TENT5C: variants seen among roughly 807,000 people sequenced by gnomAD.
The protein encoded by TENT5C is terminal nucleotidyltransferase 5C, also known as family with sequence similarity 46 member C.
TENT5C carries 5 observed loss-of-function variants against 22.2 expected under a neutral mutation model. The observed-to-expected ratio is 0.22, with a 90% CI of 0.12 to 0.47. The LOEUF (loss-of-function observed/expected upper bound fraction) is 0.47. TENT5C is among the 20% of genes least tolerant of loss of function. The probability of loss-of-function intolerance (pLI) is 0.99; values close to 1 mark genes in which losing one functional copy is unlikely to be tolerated. For missense variants in TENT5C, 364 were observed against 500.9 expected, an observed-to-expected ratio of 0.73 and a Z score of 2.61; for synonymous variants, 199 against 195.4, an observed-to-expected ratio of 1.02 and a Z score of -0.15.
At position 117,625,286 on chromosome 1, in the gene TENT5C, T is replaced by C. The variant is rs997633179; in HGVS notation, c.*1242T>C. ...GCATGAAGTCTGGCCTTGTGTGCAT[T>C]GGAGCTTCCAAGGCACTTTGAAATC... On this transcript the variant is annotated 3_prime_UTR_variant, in exon 2 of 2. Coordinates refer to ENST00000369448, the MANE Select transcript of TENT5C (RefSeq NM_017709.4). The C allele has an allele frequency of 4.0e-6, 1 of 248,140 alleles. No individual in the cohort carries two copies. The highest frequency in any genetic ancestry group is 8.5e-6 in the Non-Finnish European group (1 of 118,134). The allele number at this position is 248,140 out of a possible 1,614,324, so 15.4% of individuals were successfully genotyped here. A position where few individuals can be genotyped will look rare whatever the true frequency, so the allele number is the denominator to read the frequency against.
chr1:117,613,317 A>G (rs531246222), intron 1 of TENT5C, among the ~76,000 whole-genome samples: 1 of 152,336 alleles, frequency 6.6e-6, no homozygotes, highest in African/African-American at 2.4e-5. Context: ...ATTTGCAACC[A>G]CGTCAGAGTA....
intron 1 of TENT5C, among the ~76,000 whole-genome samples, chr1:117,621,391 A>G (rs1570862983): frequency 6.6e-6 from 1 of 151,988 alleles, no homozygotes; most frequent in South Asian, 2.1e-4. Context: ...TTTATATTAC[A>G]TTTTATTTCC....
At position 117,623,031 on chromosome 1, in the gene TENT5C, G is replaced by A. The variant is rs763834209; in HGVS notation, c.163G>A (p.Val55Ile). 45 of 1,614,110 alleles carry A rather than the reference G, an allele frequency of 2.8e-5. 1 individual carries two copies. The South Asian group carries it at 3.6e-4, about 13-fold the overall frequency. Residue 55 changes from valine to isoleucine, a missense_variant, in exon 2 of 2, where the codon GTC becomes ATC. Val to Ile is a conservative substitution (Grantham distance 29). Transcript: ENST00000369448. ...AACTCTGAAGGACATCGTCCAGACCGTCCGCAGTCGGCTGGAGGAGGCAGG... is the reference window on the plus strand; with the variant it reads ...AACTCTGAAGGACATCGTCCAGACCATCCGCAGTCGGCTGGAGGAGGCAGG... Reference protein sequence around the residue: ...EITLKDIVQTVRSRLEEAGIK... With the variant: ...EITLKDIVQTIRSRLEEAGIK...
At chr1:117,616,963 A>C (rs953965782) in intron 1 of TENT5C, among the ~76,000 whole-genome samples, 2 of 152,238 alleles carry the variant, frequency 1.3e-5, no homozygotes, top group Non-Finnish European at 2.9e-5. Context: ...CTCCACACAT[A>C]CTAAGAACCT....
At chr1:117,608,095 C>A (rs79143059) in intron 1 of TENT5C, among the ~76,000 whole-genome samples, 1 of 124,924 alleles carries the variant, frequency 8.0e-6, no homozygotes, top group Non-Finnish European at 1.7e-5. Context: ...AAAAAAAAAA[C>A]TCTGCCAGGA....
Position 117,627,908 on chromosome 1 carries a change from T to TA in TENT5C, c.*3871dup, listed in dbSNP as rs1008656467. On this transcript the variant is annotated 3_prime_UTR_variant, in exon 2 of 2. Coordinates refer to ENST00000369448, the MANE Select transcript of TENT5C (RefSeq NM_017709.4). ...CCTAAATCTTGTTTACCTATCACTTTAAAAAAATAATTGAAGTGTAAGCTA... is the reference window on the plus strand; with the variant it reads ...CCTAAATCTTGTTTACCTATCACTTTAAAAAAAATAATTGAAGTGTAAGCTA... 4.0e-5 allele frequency: 10 copies of TA among 247,842 alleles called. No individual in the cohort carries two copies. The highest frequency in any genetic ancestry group is 7.6e-5 in the Non-Finnish European group (9 of 118,100). The allele number at this position is 247,842 out of a possible 1,614,324, so 15.4% of individuals were successfully genotyped here. A position where few individuals can be genotyped will look rare whatever the true frequency, so the allele number is the denominator to read the frequency against.
At chr1:117,606,993 G>C (rs980971821) in intron 1 of TENT5C, among the ~76,000 whole-genome samples, 1 of 152,170 alleles carries the variant, frequency 6.6e-6, no homozygotes, top group Non-Finnish European at 1.5e-5. Context: ...GACGGATACC[G>C]GTGCGGCTGC....
chr1:117,607,501 G>A (rs1653567031), intron 1 of TENT5C, among the ~76,000 whole-genome samples: 1 of 152,218 alleles, frequency 6.6e-6, no homozygotes, highest in African/African-American at 2.4e-5. Flanking sequence ...TACTTTGTAG[G>A]TGGGTTAGGA....
intron 1 of TENT5C, among the ~76,000 whole-genome samples, chr1:117,610,825 C>T (rs1180362318): frequency 6.6e-6 from 1 of 152,196 alleles, no homozygotes; most frequent in Admixed American, 6.5e-5. Flanking sequence ...CCATGCCCGG[C>T]CAATACTTTC....
Position 117,624,925 on chromosome 1 carries a change from A to G in TENT5C, c.*881A>G, listed in dbSNP as rs761902419. 1.6e-5 allele frequency: 4 copies of G among 247,274 alleles called. No individual in the cohort carries two copies. Among genetic ancestry groups the G allele is most frequent in the Non-Finnish European group, 2.5e-5 (3 of 117,950 alleles). The allele number at this position is 247,274 out of a possible 1,614,324, so 15.3% of individuals were successfully genotyped here. On this transcript the variant is annotated 3_prime_UTR_variant, in exon 2 of 2. Transcript: ENST00000369448. Reference sequence around the variant, plus strand: ...TTCTTTTTTCCTCATCAGCTCTTTCATGGCTGAATTTTGTTTTATTCTTCC... The same window carrying G: ...TTCTTTTTTCCTCATCAGCTCTTTCGTGGCTGAATTTTGTTTTATTCTTCC...
At chr1:117,615,960 G>T (rs142220364) in intron 1 of TENT5C, among the ~76,000 whole-genome samples, 3 of 152,164 alleles carry the variant, frequency 2.0e-5, no homozygotes, top group African/African-American at 4.8e-5. Context: ...GACCAATAAC[G>T]TCTGTTTTAG....
intron 1 of TENT5C, among the ~76,000 whole-genome samples, chr1:117,610,985 C>G (rs937695352): frequency 1.3e-5 from 2 of 152,216 alleles, no homozygotes; most frequent in Admixed American, 1.3e-4. Context: ...TGCCCACACC[C>G]TCTTCCGTTG....
intron 1 of TENT5C, among the ~76,000 whole-genome samples, chr1:117,615,842 T>A (rs188722908): frequency 1.3e-5 from 2 of 152,376 alleles, no homozygotes; most frequent in Admixed American, 1.3e-4. Context: ...TAAAGGCTGA[T>A]TCCAGCTTTT....
At chr1:117,622,519 T>TA (rs1247701640) in intron 1 of TENT5C, among the ~76,000 whole-genome samples, 1 of 152,242 alleles carries the variant, frequency 6.6e-6, no homozygotes, top group Non-Finnish European at 1.5e-5. Flanking sequence ...TGCGGTCCTA[T>TA]ATGGTTTGCT....
chr1:117,625,858 A>T lies in TENT5C; in HGVS notation c.*1814A>T, dbSNP rs1171985370. 4.0e-6 allele frequency: 1 copy of T among 247,940 alleles called. No individual in the cohort carries two copies. The highest frequency in any genetic ancestry group is 8.5e-6 in the Non-Finnish European group (1 of 118,098). The allele number at this position is 247,940 out of a possible 1,614,324, so 15.4% of individuals were successfully genotyped here. A position where few individuals can be genotyped will look rare whatever the true frequency, so the allele number is the denominator to read the frequency against. On this transcript the variant is annotated 3_prime_UTR_variant, in exon 2 of 2. Transcript: ENST00000369448. ...TATCTATGTTGTGCTACATTAGGTG[A>T]CTAGAAGCCACTTCTTAGTGTAATC...
intron 1 of TENT5C, among the ~76,000 whole-genome samples, chr1:117,618,758 T>G (rs1653837100): frequency 6.6e-6 from 1 of 152,228 alleles, no homozygotes; most frequent in Non-Finnish European, 1.5e-5. Context: ...GTTTTCTTCT[T>G]CTAACTTTGA....
At position 117,628,074 on chromosome 1, in the gene TENT5C, A is replaced by C. The variant is rs927215352; in HGVS notation, c.*4030A>C. Reference sequence around the variant, plus strand: ...CTGTGGGTGTTTTTAAAAAAACTCAACCTATCTGGTGTTTTATTTTAATGG... The same window carrying C: ...CTGTGGGTGTTTTTAAAAAAACTCACCCTATCTGGTGTTTTATTTTAATGG... On this transcript the variant is annotated 3_prime_UTR_variant, in exon 2 of 2. Coordinates refer to ENST00000369448, the MANE Select transcript of TENT5C (RefSeq NM_017709.4). 4.0e-6 allele frequency: 1 copy of C among 248,002 alleles called. No homozygotes were observed. The highest frequency in any genetic ancestry group is 8.5e-6 in the Non-Finnish European group (1 of 118,132). 15.4% of individuals were successfully genotyped at this position (248,002 alleles called of 1,614,324 possible).
chr1:117,623,310 G>A lies in TENT5C; in HGVS notation c.442G>A (p.Asp148Asn). 6.2e-7 allele frequency: 1 copy of A among 1,614,194 alleles called. No homozygotes were observed. Among genetic ancestry groups the A allele is most frequent in the East Asian group, 2.2e-5 (1 of 44,874 alleles). The change falls in exon 2 of 2, where the codon GAC becomes AAC. Residue 148 changes from aspartate (D) to asparagine (N), a missense_variant. By Grantham distance (23) the Asp-to-Asn change is conservative. Transcript: ENST00000369448. Reference protein sequence around the residue: ...YVQKLVKVCTDTDRWSLISLS... With the variant: ...YVQKLVKVCTNTDRWSLISLS... ...GCAGAAGCTAGTGAAGGTTTGCACGGACACTGACCGCTGGAGCCTGATCTC... is the reference window on the plus strand; with the variant it reads ...GCAGAAGCTAGTGAAGGTTTGCACGAACACTGACCGCTGGAGCCTGATCTC...
intron 1 of TENT5C, among the ~76,000 whole-genome samples, chr1:117,621,419 C>A (rs1653892281): frequency 6.6e-6 from 1 of 152,180 alleles, no homozygotes; most frequent in Non-Finnish European, 1.5e-5. Flanking sequence ...GAGTTGTCTA[C>A]ACAACACACT....
Sources: allele counts gnomAD v4.1 joint callset (sites outside exome capture counted in the v4.1 genomes callset), GRCh38; gene constraint gnomAD v4.1.1; transcripts MANE v1.5; gene names NCBI Gene and HGNC (gene_info 2026-07-23, HGNC 2026-07-21).